The following LGALS3BP variants were observed in gnomAD, a reference collection of about 807,000 sequenced individuals.
LGALS3BP encodes the protein galectin 3 binding protein.
A neutral mutation model predicts 22.9 loss-of-function variants in LGALS3BP; 25 were observed. The ratio of observed to expected loss-of-function variants is 1.09; its 90% CI spans 0.80 to 1.53. The LOEUF is 1.53. Among genes scored for constraint, LGALS3BP ranks in the 40% most tolerant of loss-of-function variants. The pLI is 0.00. For missense variants in LGALS3BP, 718 were observed against 752.0 expected (o/e 0.95, Z 0.53); for synonymous variants, 335 against 331.1 (o/e 1.01, Z -0.13).
intron 4 of LGALS3BP, among the ~76,000 whole-genome samples, chr17:78,974,369 G>T (rs1002236811): frequency 6.6e-6 from 1 of 152,222 alleles, no homozygotes; most frequent in African/African-American, 2.4e-5. Context: ...CTGAGCGGAC[G>T]CTGGCATTTC....
rs2070704365 is a variant in LGALS3BP, at chr17:78,974,766, G to A, written c.298C>T (p.Leu100=). 1 of 1,613,872 alleles carries A rather than the reference G, an allele frequency of 6.2e-7. No homozygotes were observed. The highest frequency in any genetic ancestry group is 1.1e-5 in the South Asian group (1 of 91,080). ...CAGCCCAGGGACTTGCAGTCGGCCA[G>A]TGAGGCCTCGGTTCCCGTGCACTGG... The part of the protein sequence containing the change: ...EVQCTGTEAS[L]ADCKSLGWLK... The change falls in exon 4 of 6, where the codon CTG becomes TTG. Residue 100 remains leucine (L), a synonymous_variant. Coordinates refer to ENST00000262776, the MANE Select transcript of LGALS3BP (RefSeq NM_005567.4).
chr17:78,971,556 C>A lies in LGALS3BP; in HGVS notation c.*20G>T. On this transcript the variant is annotated 3_prime_UTR_variant, in exon 6 of 6. Transcript: ENST00000262776. This position sits in a 1 kb window ranked among gnomAD's most constrained non-coding sequence, Gnocchi z 5.6. Reference sequence around the variant, plus strand: ...GCGTCCTGGGGTTCTCCGGTTCTCACCACCCTTGGGCCACGCCGTCTAGTC... The same window carrying A: ...GCGTCCTGGGGTTCTCCGGTTCTCAACACCCTTGGGCCACGCCGTCTAGTC... 6.3e-7 allele frequency: 1 copy of A among 1,597,662 alleles called. No homozygotes were observed. Among genetic ancestry groups the A allele is most frequent in the Non-Finnish European group, 8.5e-7 (1 of 1,170,074 alleles).
At position 78,972,388 on chromosome 17, in the gene LGALS3BP, G is replaced by T. The variant is rs760731529; in HGVS notation, c.946C>A (p.Pro316Thr). Residue 316 changes from proline (P) to threonine (T), a missense_variant, in exon 6 of 6, where the codon CCC (proline) becomes ACC (threonine). Physicochemically the swap from Pro to Thr is conservative, Grantham distance 38 (BLOSUM62 -1). Transcript: ENST00000262776. The surrounding 1 kb of genome is among the most constrained non-coding windows in gnomAD (Gnocchi z 5.1). ...LLLPRSDLAVPSELALLKAVD... is the reference protein window; with the variant it reads ...LLLPRSDLAVTSELALLKAVD... Reference sequence around the variant, plus strand: ...GCCTTCAGTAGGGCCAGCTCGCTGGGCACCGCCAGGTCGCTCCTGGGCAGC... The same window carrying T: ...GCCTTCAGTAGGGCCAGCTCGCTGGTCACCGCCAGGTCGCTCCTGGGCAGC... 8 of 1,613,456 alleles carry T rather than the reference G, an allele frequency of 5.0e-6. No homozygotes were observed. The Admixed American group carries it at 1.2e-4, about 24-fold the overall frequency.
In LGALS3BP at chr17:78,976,603, G is replaced by A. The variant is rs535046517; in HGVS notation, c.53-447C>T. Among the ~76,000 whole-genome samples the A allele has an allele frequency of 7.2e-5, 11 of 152,256 alleles. No individual in the cohort carries two copies. The highest frequency in any genetic ancestry group is 1.5e-4 in the Non-Finnish European group (10 of 68,006). On this transcript the variant is annotated intron_variant, in intron 2 of 5. Coordinates refer to ENST00000262776, the MANE Select transcript of LGALS3BP (RefSeq NM_005567.4). This position sits in a 1 kb window ranked among gnomAD's most constrained non-coding sequence, Gnocchi z 4.6. Reference sequence around the variant, plus strand: ...GCACAGGCAGAATGTTTCCAGGGCAGATAATGGGATTCCCCCGCCCCACAT... The same window carrying A: ...GCACAGGCAGAATGTTTCCAGGGCAAATAATGGGATTCCCCCGCCCCACAT...
In LGALS3BP at chr17:78,973,365, G is replaced by A. The variant is rs1291645521; in HGVS notation, c.377-143C>T. On this transcript the variant is annotated intron_variant, in intron 4 of 5. Coordinates refer to ENST00000262776, the MANE Select transcript of LGALS3BP (RefSeq NM_005567.4). The surrounding 1 kb of genome is among the most constrained non-coding windows in gnomAD (Gnocchi z 5.8). Reference sequence around the variant, plus strand: ...GCTCCTGGGAAGACGAGGGACAAGAGAGACCGGAAGTGTCGGATTCCTGGA... The same window carrying A: ...GCTCCTGGGAAGACGAGGGACAAGAAAGACCGGAAGTGTCGGATTCCTGGA... 2.0e-6 allele frequency: 2 copies of A among 1,002,938 alleles called. No homozygotes were observed. Among genetic ancestry groups the A allele is most frequent in the African/African-American group, 1.6e-5 (1 of 61,194 alleles). 62.1% of individuals were successfully genotyped at this position (1,002,938 alleles called of 1,614,324 possible).
intron 1 of LGALS3BP, among the ~76,000 whole-genome samples, chr17:78,978,372 G>A (rs548559861): frequency 6.6e-5 from 10 of 152,208 alleles, no homozygotes; most frequent in South Asian, 2.1e-4. Flanking sequence ...ACCCCTTGTC[G>A]GGGCTCCCCG....
chr17:78,978,792 G>A (rs376625184), intron 1 of LGALS3BP, among the ~76,000 whole-genome samples: 3 of 152,234 alleles, frequency 2.0e-5, no homozygotes, highest in Admixed American at 6.5e-5. Context: ...GGCCAGGCGC[G>A]ATGGCTCACG....
chr17:78,977,255 GAT>G, intron 1 of LGALS3BP, 41 bp from the exon 2 acceptor site: 1 of 1,544,584 alleles, frequency 6.5e-7, no homozygotes, highest in South Asian at 1.1e-5. Context: ...ACGGGAGCCA[GAT>G]GGCCCGAGGC....
chr17:78,975,388 G>A (rs3785530), intron 3 of LGALS3BP, among the ~76,000 whole-genome samples: 4,245 of 152,250 alleles, frequency 0.028, 75 homozygotes, highest in African/African-American at 0.049. Context: ...TTTCTGGGCC[G>A]GAGGGAACGA....
Position 78,973,010 on chromosome 17 carries a change from C to T in LGALS3BP, c.589G>A (p.Val197Met), listed in dbSNP as rs1478910527. 1 of 1,613,584 alleles carries T rather than the reference C, an allele frequency of 6.2e-7. No homozygotes were observed. Among genetic ancestry groups the T allele is most frequent in the Non-Finnish European group, 8.5e-7 (1 of 1,179,706 alleles). Reference protein sequence around the residue: ...KEPGSNVTMSVDAECVPMVRD... With the variant: ...KEPGSNVTMSMDAECVPMVRD... Reference sequence around the variant, plus strand: ...ACCATGGGCACACACTCAGCATCCACACTCATGGTGACATTGCTGCCCGGC... The same window carrying T: ...ACCATGGGCACACACTCAGCATCCATACTCATGGTGACATTGCTGCCCGGC... The change falls in exon 5 of 6, where the codon GTG becomes ATG. Residue 197 changes from valine to methionine, a missense_variant. By Grantham distance (21) the Val-to-Met change is conservative. Transcript: ENST00000262776. This position sits in a 1 kb window ranked among gnomAD's most constrained non-coding sequence, Gnocchi z 5.8.
At chr17:78,978,743 C>CT (rs2070740853) in intron 1 of LGALS3BP, among the ~76,000 whole-genome samples, 1 of 152,202 alleles carries the variant, frequency 6.6e-6, no homozygotes, top group South Asian at 2.1e-4. Flanking sequence ...TTTGTCCGTC[C>CT]TGGGAGAGTA....
chr17:78,971,894 C>G lies in LGALS3BP; in HGVS notation c.1440G>C (p.Leu480=). Residue 480 remains leucine, a synonymous_variant, in exon 6 of 6, where the codon CTG becomes CTC. Transcript: ENST00000262776. This position sits in a 1 kb window ranked among gnomAD's most constrained non-coding sequence, Gnocchi z 5.6. ...AGCTCTGGATGGTGGGGAGGTAGAC[C>G]AGGGACCAGGACACCCTCTTGTCCT... ...LFQDKRVSWS[L]VYLPTIQSCW... is the part of the protein sequence containing the mutation. 6.2e-7 allele frequency: 1 copy of G among 1,614,132 alleles called. No individual in the cohort carries two copies. The highest frequency in any genetic ancestry group is 1.3e-5 in the African/African-American group (1 of 75,022).
chr17:78,974,244 G>A (rs543583608), intron 4 of LGALS3BP, among the ~76,000 whole-genome samples: 2 of 152,392 alleles, frequency 1.3e-5, no homozygotes, highest in East Asian at 3.9e-4. Context: ...CTGCAGAGCA[G>A]CCTGGGTTCC....
chr17:78,977,116 G>A (rs2070727375), intron 2 of LGALS3BP, 24 bp downstream of exon 2: 13 of 1,612,558 alleles, frequency 8.1e-6, no homozygotes, highest in Non-Finnish European at 1.1e-5. Context: ...TCTGCTTTTG[G>A]TATTTCCCAG....
chr17:78,974,972 G>T, intron 3 of LGALS3BP, 153 bp from the exon 4 acceptor site: 1 of 976,426 alleles, frequency 1.0e-6, no homozygotes, highest in Non-Finnish European at 1.5e-6. Context: ...TTCCAGCATG[G>T]GCTGGATTTG....
rs2070668023 is a variant in LGALS3BP at position 78,971,361 on chromosome 17, C to T, written c.*215G>A. ...AACCTCGAGGGCGTCCTGGTGCTTA[C>T]CACCTGGAAACTGGTGAGGTGGTGG... On this transcript the variant is annotated 3_prime_UTR_variant, in exon 6 of 6. Coordinates refer to ENST00000262776, the MANE Select transcript of LGALS3BP (RefSeq NM_005567.4). The surrounding 1 kb of genome is among the most constrained non-coding windows in gnomAD (Gnocchi z 5.6). 1.2e-5 allele frequency: 7 copies of T among 577,368 alleles called. No individual in the cohort carries two copies. Among genetic ancestry groups the T allele is most frequent in the Non-Finnish European group, 2.1e-5 (7 of 326,416 alleles). 35.8% of individuals were successfully genotyped at this position (577,368 alleles called of 1,614,324 possible).
intron 1 of LGALS3BP, among the ~76,000 whole-genome samples, chr17:78,977,761 C>T (rs552726387): frequency 1.6e-4 from 24 of 151,918 alleles, no homozygotes; most frequent in Admixed American, 1.3e-3. Flanking sequence ...AGAATCCGGG[C>T]GAGGGGTGAC....
Position 78,972,008 on chromosome 17 carries a change from A to G in LGALS3BP, c.1326T>C (p.Tyr442=), listed in dbSNP as rs1482974492. ...YQSRRGPLVK[Y]SSDYFQAPSD... Reference sequence around the variant, plus strand: ...AGGGGGCTTGGAAGTAATCAGAAGAATATTTGACCAAAGGCCCCCGTCTGG... The same window carrying G: ...AGGGGGCTTGGAAGTAATCAGAAGAGTATTTGACCAAAGGCCCCCGTCTGG... Residue 442 remains tyrosine (Y), a synonymous_variant, in exon 6 of 6, where the codon TAT becomes TAC. Transcript: ENST00000262776. This position sits in a 1 kb window ranked among gnomAD's most constrained non-coding sequence, Gnocchi z 5.1. 1 of 1,614,064 alleles carries G rather than the reference A, an allele frequency of 6.2e-7. No homozygotes were observed. Among genetic ancestry groups the G allele is most frequent in the Admixed American group, 1.7e-5 (1 of 60,012 alleles).
At position 78,972,130 on chromosome 17, in the gene LGALS3BP, C is replaced by A; in HGVS notation, c.1204G>T (p.Asp402Tyr). 2 of 1,613,496 alleles carry A rather than the reference C, an allele frequency of 1.2e-6. No individual in the cohort carries two copies. The highest frequency in any genetic ancestry group is 1.7e-6 in the Non-Finnish European group (2 of 1,179,570). Reference sequence around the variant, plus strand: ...GTGTAAATCCGGGGCTTGTAGGTATCCTCGGTGAGGTTCAGGCCTTTGTAC... The same window carrying A: ...GTGTAAATCCGGGGCTTGTAGGTATACTCGGTGAGGTTCAGGCCTTTGTAC... ...ARYKGLNLTE[D>Y]TYKPRIYTSP... The change falls in exon 6 of 6, where the codon GAT (aspartate) becomes TAT (tyrosine). Residue 402 changes from aspartate (D) to tyrosine (Y), a missense_variant. By Grantham distance (160) the Asp-to-Tyr change is radical. Transcript: ENST00000262776. The surrounding 1 kb of genome is among the most constrained non-coding windows in gnomAD (Gnocchi z 5.1).
Sources: gnomAD v4.1 joint callset for allele counts (sites outside exome capture counted in the v4.1 genomes callset) on GRCh38, gnomAD v4.1.1 for gene constraint, Gnocchi (gnomAD v3.1) non-coding constraint, MANE v1.5 for transcripts, NCBI Gene and HGNC (gene_info 2026-07-23, HGNC 2026-07-21) for gene names.